Variants in FAP observed in about 807,000 individuals in gnomAD.
FAP encodes prolyl endopeptidase FAP.
In FAP, 110 loss-of-function variants were observed where a neutral mutation model predicts 126.5. That is an observed-to-expected ratio of 0.87 (90% CI 0.74 to 1.02). FAP has a LOEUF of 1.02. Among genes scored for constraint, FAP ranks in the 50% least tolerant of loss-of-function variants. The pLI is 0.00. For missense variants in FAP, 919 were observed against 909.2 expected (o/e 1.01, Z -0.14); for synonymous variants, 334 against 297.3 (o/e 1.12, Z -1.27).
At chr2:162,180,291 G>A (rs1269256361) in intron 21 of FAP, among the ~76,000 whole-genome samples, 3 of 152,160 alleles carry the variant, frequency 2.0e-5, no homozygotes, top group East Asian at 1.9e-4. Context: ...GTTTTGGAAC[G>A]ATAACTTCAT....
chr2:162,243,051 C>T (rs529134940), intron 1 of FAP, 59 bp from the exon 2 acceptor site: 1 of 1,385,440 alleles, frequency 7.2e-7, no homozygotes, highest in Admixed American at 1.9e-5. Flanking sequence ...GTAGAAATGG[C>T]AAGATTTTGT....
intron 8 of FAP, 49 bp from the exon 9 acceptor site, chr2:162,218,189 A>G: frequency 8.3e-7 from 1 of 1,197,914 alleles, no homozygotes; most frequent in South Asian, 1.6e-5. Context: ...CTTACTCTTA[A>G]AATCATTGTA....
chr2:162,177,044 A>AG (rs1248584085), intron 21 of FAP, among the ~76,000 whole-genome samples: 3 of 152,068 alleles, frequency 2.0e-5, no homozygotes, highest in African/African-American at 7.2e-5. Flanking sequence ...AGAAATGAAG[A>AG]GGGGGAAAAA....
chr2:162,191,926 C>A (rs1688063790), intron 17 of FAP, among the ~76,000 whole-genome samples: 1 of 152,066 alleles, frequency 6.6e-6, no homozygotes, highest in Non-Finnish European at 1.5e-5. Flanking sequence ...TGCAATTCTA[C>A]CAACAATTTC....
intron 6 of FAP, among the ~76,000 whole-genome samples, chr2:162,220,376 T>C (rs188870714): frequency 1.1e-4 from 16 of 152,366 alleles, no homozygotes; most frequent in Non-Finnish European, 2.2e-4. Context: ...TTGCACACAC[T>C]AGACTGAAAT....
At chr2:162,239,150 G>A (rs970854170) in intron 2 of FAP, among the ~76,000 whole-genome samples, 2 of 151,934 alleles carry the variant, frequency 1.3e-5, no homozygotes, top group Non-Finnish European at 2.9e-5. Context: ...CTGATATTCA[G>A]CCTCCTAAAT....
intron 19 of FAP, 83 bp from the exon 20 acceptor site, chr2:162,188,446 T>TAA (rs1432230560): frequency 1.8e-6 from 2 of 1,133,754 alleles, no homozygotes; most frequent in Admixed American, 4.3e-5. Flanking sequence ...TTGCTTCTAG[T>TAA]AATTCCAGTA....
At chr2:162,179,769 T>A (rs1009079611) in intron 21 of FAP, among the ~76,000 whole-genome samples, 2 of 71,456 alleles carry the variant, frequency 2.8e-5, no homozygotes, top group Admixed American at 4.5e-4. Context: ...GATCTATCTA[T>A]CTATCTATCT....
chr2:162,184,905 T>TA (rs995641751), intron 20 of FAP, among the ~76,000 whole-genome samples: 2 of 152,128 alleles, frequency 1.3e-5, no homozygotes, highest in African/African-American at 4.8e-5. Flanking sequence ...TAACAGGTGA[T>TA]ACATGGGAAC....
Position 162,226,505 on chromosome 2 carries a change from G to A in FAP, c.190+18C>T, listed in dbSNP as rs752527851. 1.5e-6 allele frequency: 2 copies of A among 1,347,060 alleles called. No individual in the cohort carries two copies. The highest frequency in any genetic ancestry group is 2.1e-6 in the Non-Finnish European group (2 of 963,272). 83.4% of individuals were successfully genotyped at this position (1,347,060 alleles called of 1,614,324 possible). On this transcript the variant is annotated intron_variant, in intron 3 of 25. Coordinates refer to ENST00000188790, the MANE Select transcript of FAP (RefSeq NM_004460.5). ...AAAATACATAAAAAAAACCCCTAAAGATAAATAATGCACTTACCTGAAATC... is the reference window on the plus strand; with the variant it reads ...AAAATACATAAAAAAAACCCCTAAAAATAAATAATGCACTTACCTGAAATC...
At position 162,219,065 on chromosome 2, in the gene FAP, T is replaced by C; in HGVS notation, c.605A>G (p.Glu202Gly). Residue 202 changes from glutamate (E) to glycine (G), a missense_variant and splice_region_variant, in exon 8 of 26, where the codon GAA (glutamate) becomes GGA (glycine). By Grantham distance (98) the Glu-to-Gly change is moderately conservative (BLOSUM62 -2). Transcript: ENST00000188790. ...AGTAGAAAAGGAATACAGCTTACCT[T>C]CATAAACCCAGTCTGGGATTCCATT... Reference protein sequence around the residue: ...IFNGIPDWVYEEEMLATKYAL... With the variant: ...IFNGIPDWVYGEEMLATKYAL... The C allele has an allele frequency of 5.0e-6, 8 of 1,600,490 alleles. No homozygotes were observed. The highest frequency in any genetic ancestry group is 6.8e-6 in the Non-Finnish European group (8 of 1,173,100).
intron 2 of FAP, among the ~76,000 whole-genome samples, chr2:162,226,926 G>A (rs1170962291): frequency 6.6e-6 from 1 of 152,138 alleles, no homozygotes; most frequent in African/African-American, 2.4e-5. Flanking sequence ...TGATTCTTCA[G>A]GCAGTGAAGA....
At chr2:162,240,894 C>T (rs1057094101) in intron 2 of FAP, among the ~76,000 whole-genome samples, 14 of 152,168 alleles carry the variant, frequency 9.2e-5, no homozygotes, top group African/African-American at 2.9e-4. Flanking sequence ...GGACCTGGCA[C>T]TCCAGACGGG....
intron 2 of FAP, among the ~76,000 whole-genome samples, chr2:162,233,758 T>G (rs1435333650): frequency 6.6e-6 from 1 of 152,208 alleles, no homozygotes; most frequent in Non-Finnish European, 1.5e-5. Flanking sequence ...TTTTGTTTCT[T>G]GCATTTTTGG....
chr2:162,229,726 C>A (rs538701600), intron 2 of FAP, among the ~76,000 whole-genome samples: 1 of 152,226 alleles, frequency 6.6e-6, no homozygotes, highest in South Asian at 2.1e-4. Context: ...CTTTAAACCT[C>A]TAATTTAGTT....
In FAP at chr2:162,220,137, C is replaced by G. The variant is rs575183376; in HGVS notation, c.414-212G>C. On this transcript the variant is annotated intron_variant, in intron 6 of 25. Transcript: ENST00000188790. Reference sequence around the variant, plus strand: ...CAGTAGTTACTTAAAAGTCACTTAACTTTACTGGGTGTCAGTTTTCTGACC... The same window carrying G: ...CAGTAGTTACTTAAAAGTCACTTAAGTTTACTGGGTGTCAGTTTTCTGACC... Among the ~76,000 whole-genome samples, 25 of 152,282 alleles carry G rather than the reference C, an allele frequency of 1.6e-4. No individual in the cohort carries two copies. The South Asian group carries it at 5.0e-3, about 30-fold the overall frequency.
At chr2:162,202,331 A>G (rs1688529690) in intron 14 of FAP, among the ~76,000 whole-genome samples, 2 of 152,390 alleles carry the variant, frequency 1.3e-5, no homozygotes, top group South Asian at 2.1e-4. Context: ...ATTGAATCCT[A>G]GTCTGCTACT....
At chr2:162,187,518 A>G (rs1453465872) in intron 20 of FAP, among the ~76,000 whole-genome samples, 2 of 152,120 alleles carry the variant, frequency 1.3e-5, no homozygotes, top group Non-Finnish European at 2.9e-5. Flanking sequence ...TTTGGTGCCT[A>G]TATAGTCCTG....
chr2:162,200,645 A>T, intron 14 of FAP, 26 bp from the exon 15 acceptor site: 1 of 1,064,162 alleles, frequency 9.4e-7, no homozygotes, highest in Non-Finnish European at 1.4e-6. Context: ...GAAATTATTA[A>T]GTATTGATAA....
Sources: allele counts gnomAD v4.1 joint callset (sites outside exome capture counted in the v4.1 genomes callset), GRCh38; gene constraint gnomAD v4.1.1; transcripts MANE v1.5; gene names NCBI Gene and HGNC (gene_info 2026-07-23, HGNC 2026-07-21).